Variants in NDUFA8 observed in about 807,000 individuals in gnomAD.
NDUFA8 encodes the protein NADH dehydrogenase [ubiquinone] 1 alpha subcomplex subunit 8.
NDUFA8 carries 16 observed loss-of-function variants against 20.9 expected under a neutral mutation model. That is an observed-to-expected ratio of 0.77 (90% confidence interval 0.52 to 1.16). NDUFA8 has a LOEUF of 1.16. NDUFA8 is among the 50% of genes most tolerant of loss of function. NDUFA8 has a pLI of 0.00. For synonymous variants in NDUFA8, 70 were observed against 76.1 expected, an observed-to-expected ratio of 0.92 and a Z score of 0.41; for missense variants, 202 against 216.4, an observed-to-expected ratio of 0.93 and a Z score of 0.42.
chr9:122,153,987 AC>A (rs1412282304), intron 1 of NDUFA8, among the ~76,000 whole-genome samples: 1 of 152,164 alleles, frequency 6.6e-6, no homozygotes, highest in East Asian at 1.9e-4. Flanking sequence ...TTCTAGACAT[AC>A]TTGTTCTTTC....
the NDUFA8 span, among the ~76,000 whole-genome samples, chr9:122,139,043 G>A: frequency 6.6e-6 from 1 of 152,204 alleles, no homozygotes; most frequent in Admixed American, 6.5e-5. Flanking sequence ...AGACTGCAGA[G>A]ACACCTATGG....
chr9:122,146,877 GAGAGTA>G (rs1828912184), intron 3 of NDUFA8, among the ~76,000 whole-genome samples: 2 of 152,176 alleles, frequency 1.3e-5, no homozygotes, highest in African/African-American at 4.8e-5. Flanking sequence ...GCCTAGGAGA[GAGAGTA>G]AGACCTGAGT....
At chr9:122,143,529 G>C (rs983532887), downstream of NDUFA8, among the ~76,000 whole-genome samples, 6 of 152,182 alleles carry the variant, frequency 3.9e-5, no homozygotes, top group Non-Finnish European at 8.8e-5. Context: ...CCCAAGGTTG[G>C]AATTGACACT....
chr9:122,155,986 G>A (rs894371843), intron 1 of NDUFA8, among the ~76,000 whole-genome samples: 5 of 152,218 alleles, frequency 3.3e-5, no homozygotes, highest in Admixed American at 2.0e-4. Context: ...ATGTGCTAGA[G>A]ACAACACAGT....
intron 3 of NDUFA8, 66 bp from the exon 4 acceptor site, chr9:122,144,444 T>A: frequency 6.7e-7 from 1 of 1,499,424 alleles, no homozygotes; most frequent in Non-Finnish European, 9.3e-7. Context: ...TAACCATCAA[T>A]GCGCCTCCTG....
intron 1 of NDUFA8, among the ~76,000 whole-genome samples, chr9:122,155,267 C>T (rs1025459640): frequency 2.0e-5 from 3 of 152,156 alleles, no homozygotes; most frequent in East Asian, 1.9e-4. Context: ...TTGGTAGAGA[C>T]GGGGTTCCTC....
the NDUFA8 span, among the ~76,000 whole-genome samples, chr9:122,137,166 T>C: frequency 6.6e-6 from 1 of 151,304 alleles, no homozygotes; most frequent in African/African-American, 2.4e-5. Flanking sequence ...ATCAAAGCCC[T>C]CATAATAATC....
chr9:122,137,917 G>T, the NDUFA8 span, among the ~76,000 whole-genome samples: 2 of 152,174 alleles, frequency 1.3e-5, no homozygotes, highest in Non-Finnish European at 2.9e-5. Flanking sequence ...AGCCCAGCTT[G>T]CTTTTCCTCT....
At chr9:122,152,947 G>T (rs1420781341) in intron 1 of NDUFA8, among the ~76,000 whole-genome samples, 2 of 152,088 alleles carry the variant, frequency 1.3e-5, no homozygotes, top group African/African-American at 4.8e-5. Flanking sequence ...GCTTTGCTGA[G>T]TTTCTGCTGC....
At chr9:122,138,887 G>A in the NDUFA8 span, among the ~76,000 whole-genome samples, 1 of 148,148 alleles carries the variant, frequency 6.8e-6, no homozygotes, top group Non-Finnish European at 1.5e-5. Flanking sequence ...CATCTGAGCA[G>A]AGGACACAGC....
At chr9:122,158,235 C>G (rs575733295) in intron 1 of NDUFA8, among the ~76,000 whole-genome samples, 1 of 152,282 alleles carries the variant, frequency 6.6e-6, no homozygotes, top group East Asian at 1.9e-4. Context: ...TGGCCTTCCT[C>G]TCCTTTAATA....
chr9:122,158,697 GTA>G (rs1266115618), intron 1 of NDUFA8, among the ~76,000 whole-genome samples: 1 of 148,928 alleles, frequency 6.7e-6, no homozygotes, highest in Admixed American at 6.7e-5. Context: ...TTGTGTGTGT[GTA>G]TATATATATG....
At chr9:122,157,184 T>C (rs918303424) in intron 1 of NDUFA8, among the ~76,000 whole-genome samples, 1 of 152,218 alleles carries the variant, frequency 6.6e-6, no homozygotes, top group Non-Finnish European at 1.5e-5. Context: ...CCCATCTCCT[T>C]ACTTTTGCTC....
the NDUFA8 span, among the ~76,000 whole-genome samples, chr9:122,138,875 G>GC: frequency 7.4e-6 from 1 of 135,292 alleles, no homozygotes; most frequent in African/African-American, 2.6e-5. Context: ...TGGGGGGGGG[G>GC]CCATCTGAGC....
downstream of NDUFA8, chr9:122,143,962 A>C: frequency 2.2e-6 from 2 of 904,380 alleles, no homozygotes; most frequent in Non-Finnish European, 3.0e-6. Flanking sequence ...CCTAAAGCAA[A>C]GCAAGAGGAA....
At chr9:122,146,295 A>C (rs988727613) in intron 3 of NDUFA8, among the ~76,000 whole-genome samples, 4 of 151,992 alleles carry the variant, frequency 2.6e-5, no homozygotes, top group Non-Finnish European at 5.9e-5. Flanking sequence ...GAGTTAAGAG[A>C]ATTTTTTTTT....
At chr9:122,137,238 C>CTTTTTTT in the NDUFA8 span, among the ~76,000 whole-genome samples, 156 of 106,584 alleles carry the variant, frequency 1.5e-3, 5 homozygotes, top group Middle Eastern at 8.5e-3. Flanking sequence ...TTTTCCTTTC[C>CTTTTTTT]TTTTTTTTTT....
intron 2 of NDUFA8, among the ~76,000 whole-genome samples, chr9:122,149,575 G>C (rs1828959849): frequency 6.6e-6 from 1 of 152,154 alleles, no homozygotes; most frequent in Non-Finnish European, 1.5e-5. Flanking sequence ...ATTCACCTTG[G>C]GAATTTGTGA....
intron 2 of NDUFA8, among the ~76,000 whole-genome samples, chr9:122,150,392 C>G (rs1828976099): frequency 9.0e-6 from 1 of 110,676 alleles, no homozygotes. Flanking sequence ...GCCTGGGCGA[C>G]AGAGTGACAC....
Sources: gnomAD v4.1 joint callset for allele counts (sites outside exome capture counted in the v4.1 genomes callset) on GRCh38, gnomAD v4.1.1 for gene constraint, MANE v1.5 for transcripts, NCBI Gene and HGNC (gene_info 2026-07-23, HGNC 2026-07-21) for gene names.